Variants in ATAD2B observed in about 807,000 individuals in gnomAD.
ATAD2B encodes ATPase family AAA domain containing 2B, also known as ATPase family AAA domain-containing protein 2B.
In ATAD2B, 40 loss-of-function variants were observed where a neutral mutation model predicts 167.6. The observed-to-expected ratio is 0.24, with a 90% CI of 0.19 to 0.31. The LOEUF (loss-of-function observed/expected upper bound fraction) is 0.31, where lower values mean the gene tolerates loss of function less well. ATAD2B is among the 10% of genes least tolerant of loss of function. ATAD2B has a pLI of 1.00. For missense variants in ATAD2B, 1,242 were observed against 1,757.2 expected (o/e 0.71, Z 5.24); for synonymous variants, 579 against 596.5 (o/e 0.97, Z 0.43).
chr2:23,786,518 T>C (rs1037654854), intron 20 of ATAD2B, among the ~76,000 whole-genome samples: 3 of 152,214 alleles, frequency 2.0e-5, no homozygotes, highest in East Asian at 3.9e-4. Flanking sequence ...TACTGAATAC[T>C]GTAGGCAACT....
At chr2:23,919,154 C>T (rs1304965707) in intron 1 of ATAD2B, among the ~76,000 whole-genome samples, 1 of 150,530 alleles carries the variant, frequency 6.6e-6, no homozygotes, top group Non-Finnish European at 1.5e-5. Context: ...ACTAGCCTGG[C>T]CAACATAAAA....
intron 22 of ATAD2B, among the ~76,000 whole-genome samples, chr2:23,780,831 G>C (rs999267397): frequency 1.3e-5 from 2 of 152,126 alleles, no homozygotes; most frequent in Admixed American, 1.3e-4. Flanking sequence ...TTGAATCCAG[G>C]AGGCGGAGGT....
chr2:23,834,618 A>C (rs1478710777), intron 13 of ATAD2B, among the ~76,000 whole-genome samples: 1 of 152,210 alleles, frequency 6.6e-6, no homozygotes, highest in Non-Finnish European at 1.5e-5. Flanking sequence ...CAAAATTAAA[A>C]ACTTTTCTTC....
chr2:23,814,920 G>A (rs531792801), intron 17 of ATAD2B, among the ~76,000 whole-genome samples: 1 of 152,136 alleles, frequency 6.6e-6, no homozygotes, highest in South Asian at 2.1e-4. Context: ...GCCAGGCGTG[G>A]TGGCAGGCAC....
At position 23,788,501 on chromosome 2, in the gene ATAD2B, A is replaced by G. The variant is rs115586276; in HGVS notation, c.2776+11T>C. ...TCCCTCCCATTTTCCTAAAGGCTTT[A>G]CAAACTTTACCAGCATGTTTCCTTC... is the stretch of plus-strand genomic sequence containing the variant. On this transcript the variant is annotated intron_variant, in intron 20 of 27. Coordinates refer to ENST00000238789, the MANE Select transcript of ATAD2B (RefSeq NM_017552.4). The G allele has an allele frequency of 3.9e-3, 6,356 of 1,611,466 alleles. 21 individuals are homozygous for G. The highest frequency in any genetic ancestry group is 4.7e-3 in the Non-Finnish European group (5,590 of 1,178,612).
chr2:23,821,992 T>C (rs1687517616), intron 16 of ATAD2B, among the ~76,000 whole-genome samples: 1 of 152,128 alleles, frequency 6.6e-6, no homozygotes, highest in South Asian at 2.1e-4. Flanking sequence ...TCTGTTTTTA[T>C]CTCAGGTGCA....
chr2:23,876,738 T>C (rs1573190898), intron 7 of ATAD2B, among the ~76,000 whole-genome samples: 2 of 152,262 alleles, frequency 1.3e-5, no homozygotes, highest in East Asian at 1.9e-4. Flanking sequence ...AACTTAATCT[T>C]TGAGACTATG....
At chr2:23,754,434 ATT>A in intron 26 of ATAD2B, 127 bp from the exon 27 acceptor site, 1 of 1,182,594 alleles carries the variant, frequency 8.5e-7, no homozygotes, top group South Asian at 1.6e-5. Flanking sequence ...AAATTAAAAG[ATT>A]TGAGGGCTTA....
chr2:23,877,600 G>T (rs945606621), intron 7 of ATAD2B, among the ~76,000 whole-genome samples: 2 of 148,980 alleles, frequency 1.3e-5, no homozygotes, highest in Non-Finnish European at 3.0e-5. Flanking sequence ...GCCGGGCACT[G>T]TGGCTCACAA....
At chr2:23,843,592 C>T (rs186357480) in intron 13 of ATAD2B, among the ~76,000 whole-genome samples, 2 of 152,282 alleles carry the variant, frequency 1.3e-5, no homozygotes, top group African/African-American at 2.4e-5. Flanking sequence ...GAGACCAAGA[C>T]GACTAGAGTC....
intron 12 of ATAD2B, among the ~76,000 whole-genome samples, chr2:23,862,652 T>G (rs1363392203): frequency 6.6e-6 from 1 of 152,168 alleles, no homozygotes; most frequent in Non-Finnish European, 1.5e-5. Context: ...ATAGTCCACA[T>G]GATATTTATT....
At chr2:23,686,035 A>G in the ATAD2B span, among the ~76,000 whole-genome samples, 1 of 152,174 alleles carries the variant, frequency 6.6e-6, no homozygotes, top group Non-Finnish European at 1.5e-5. Context: ...AGACTTGCAC[A>G]CAACAGAGAA....
chr2:23,906,205 G>C (rs1054805778), intron 1 of ATAD2B, among the ~76,000 whole-genome samples: 1 of 151,956 alleles, frequency 6.6e-6, no homozygotes, highest in Non-Finnish European at 1.5e-5. Flanking sequence ...GCCGGGTTTG[G>C]TGGTGGGCGC....
At chr2:23,904,537 CTTTTTT>C (rs34666567) in intron 1 of ATAD2B, among the ~76,000 whole-genome samples, 1 of 137,678 alleles carries the variant, frequency 7.3e-6, no homozygotes, top group Non-Finnish European at 1.5e-5. Flanking sequence ...ATTTTCCTTC[CTTTTTT>C]TTTTTTTTTT....
intron 20 of ATAD2B, among the ~76,000 whole-genome samples, chr2:23,786,470 A>T (rs1215454939): frequency 6.6e-6 from 1 of 152,074 alleles, no homozygotes; most frequent in Non-Finnish European, 1.5e-5. Context: ...GGTAAAGCTT[A>T]TTGCTCCTAG....
intron 7 of ATAD2B, among the ~76,000 whole-genome samples, chr2:23,877,532 G>A (rs1306084325): frequency 1.1e-5 from 1 of 88,354 alleles, no homozygotes; most frequent in African/African-American, 4.4e-5. Flanking sequence ...GAAGGGGAGG[G>A]GAGGGGAAGG....
At chr2:23,691,546 C>T in the ATAD2B span, 6 of 697,216 alleles carry the variant, frequency 8.6e-6, no homozygotes, top group Non-Finnish European at 1.2e-5. Flanking sequence ...TCAGGTGTGT[C>T]ATTGCCGTGT....
intron 21 of ATAD2B, 179 bp downstream of exon 21, chr2:23,785,848 T>C (rs1680734797): frequency 2.0e-6 from 1 of 512,174 alleles, no homozygotes; most frequent in Non-Finnish European, 3.3e-6. Context: ...GCTAATTTCA[T>C]CCAAAAGTCA....
At chr2:23,827,388 T>C (rs1273209576) in intron 15 of ATAD2B, among the ~76,000 whole-genome samples, 1 of 152,206 alleles carries the variant, frequency 6.6e-6, no homozygotes, top group Non-Finnish European at 1.5e-5. Flanking sequence ...AAGATTCTAA[T>C]ATTTGGGGTG....
Sources: allele counts gnomAD v4.1 joint callset (sites outside exome capture counted in the v4.1 genomes callset), GRCh38; gene constraint gnomAD v4.1.1; transcripts MANE v1.5; gene names NCBI Gene and HGNC (gene_info 2026-07-23, HGNC 2026-07-21).